INPP5F: variants seen among roughly 807,000 people sequenced by gnomAD.
INPP5F encodes phosphatidylinositide 4-phosphatase SAC2.
A neutral mutation model predicts 137.2 loss-of-function variants in INPP5F; 97 were observed. The ratio of observed to expected loss-of-function variants is 0.71; its 90% confidence interval spans 0.60 to 0.84. INPP5F has a LOEUF of 0.84. Among genes scored for constraint, INPP5F ranks in the 40% least tolerant of loss-of-function variants. The pLI is 0.00. For missense variants in INPP5F, 1,271 were observed against 1,371.9 expected, an observed-to-expected ratio of 0.93 and a Z score of 1.16; for synonymous variants, 504 against 476.9, an observed-to-expected ratio of 1.06 and a Z score of -0.74.
At chr10:119,735,949 G>C (rs576851481) in intron 1 of INPP5F, among the ~76,000 whole-genome samples, 1 of 152,350 alleles carries the variant, frequency 6.6e-6, no homozygotes, top group Admixed American at 6.5e-5. Flanking sequence ...GGCCAACATG[G>C]TGAAACACTG....
chr10:119,774,851 G>A (rs767523796), intron 2 of INPP5F, among the ~76,000 whole-genome samples: 2 of 152,032 alleles, frequency 1.3e-5, no homozygotes, highest in Non-Finnish European at 2.9e-5. Context: ...AATATGTATA[G>A]TTAGTTTTTA....
intron 15 of INPP5F, among the ~76,000 whole-genome samples, chr10:119,812,815 A>G (rs1278369112): frequency 6.6e-6 from 1 of 152,112 alleles, no homozygotes; most frequent in African/African-American, 2.4e-5. Flanking sequence ...CACACAACCT[A>G]GCAGAAGGTT....
chr10:119,808,392 T>A (rs1431068420), intron 13 of INPP5F, among the ~76,000 whole-genome samples: 1 of 152,222 alleles, frequency 6.6e-6, no homozygotes, highest in Non-Finnish European at 1.5e-5. Context: ...ACAGAGCATG[T>A]CTGCTGGCAG....
rs1388916270 is a variant in INPP5F at position 119,748,443 on chromosome 10, C to CAGCTTT, written c.98-2632_98-2627dup. On this transcript the variant is annotated intron_variant, in intron 1 of 19. Transcript: ENST00000650623. The surrounding 1 kb of genome is among the most constrained non-coding windows in gnomAD (Gnocchi z 4.7). Reference sequence around the variant, plus strand: ...GCGTGTTTTGGTCCTGTTTGTGTTACAGCTTTTTCAGTCCCACCATTCAGG... The same window carrying CAGCTTT: ...GCGTGTTTTGGTCCTGTTTGTGTTACAGCTTTAGCTTTTTCAGTCCCACCATTCAGG... 1.3e-5 allele frequency among the ~76,000 whole-genome samples: 2 copies of CAGCTTT among 152,190 alleles called. No individual in the cohort carries two copies. Among genetic ancestry groups the CAGCTTT allele is most frequent in the Admixed American group, 6.5e-5 (1 of 15,286 alleles).
intron 2 of INPP5F, among the ~76,000 whole-genome samples, chr10:119,764,226 C>T (rs1849087343): frequency 1.3e-5 from 2 of 152,190 alleles, no homozygotes; most frequent in African/African-American, 4.8e-5. Context: ...AAGCTGCTTC[C>T]ACATCTTTAG....
Position 119,727,358 on chromosome 10 carries a change from G to C in INPP5F, c.97+999G>C, listed in dbSNP as rs532335721. Among the ~76,000 whole-genome samples, 9 of 152,368 alleles carry C rather than the reference G, an allele frequency of 5.9e-5. No homozygotes were observed. In the South Asian group the frequency reaches 1.9e-3, roughly 32 times the overall value. ...ATAAAAGGTTCAGATGAGCTTTTCAGATCACAGCGTGGTATCACTTATAGG... is the reference window on the plus strand; with the variant it reads ...ATAAAAGGTTCAGATGAGCTTTTCACATCACAGCGTGGTATCACTTATAGG... On this transcript the variant is annotated intron_variant, in intron 1 of 19. Coordinates refer to ENST00000650623, the MANE Select transcript of INPP5F (RefSeq NM_014937.4).
intron 1 of INPP5F, among the ~76,000 whole-genome samples, chr10:119,729,248 C>T (rs554987967): frequency 2.0e-5 from 3 of 152,028 alleles, no homozygotes; most frequent in African/African-American, 2.4e-5. Context: ...TAGGTTCAAG[C>T]GATTCTCCTG....
At chr10:119,785,302 T>TTTTTTTTTTTGGAGAC (rs1554889600) in intron 3 of INPP5F, among the ~76,000 whole-genome samples, 1 of 147,634 alleles carries the variant, frequency 6.8e-6, no homozygotes, top group Non-Finnish European at 1.5e-5. Context: ...TTTTTTTTTT[T>TTTTTTTTTTTGGAGAC]GGAGACGGAG....
chr10:119,749,490 A>AT (rs1402657357), intron 1 of INPP5F, among the ~76,000 whole-genome samples: 1 of 152,096 alleles, frequency 6.6e-6, no homozygotes, highest in African/African-American at 2.4e-5. Flanking sequence ...TTTTTCTTTG[A>AT]TTTTATAGTA....
intron 1 of INPP5F, 26 bp downstream of exon 1, chr10:119,726,385 G>T (rs1225430371): frequency 7.9e-7 from 1 of 1,265,470 alleles, no homozygotes. Context: ...CGGGCGGGGG[G>T]CACCCCGGGC....
intron 15 of INPP5F, among the ~76,000 whole-genome samples, chr10:119,817,733 G>A (rs1190224457): frequency 6.6e-6 from 1 of 152,202 alleles, no homozygotes; most frequent in African/African-American, 2.4e-5. Context: ...GTTGGGATTA[G>A]GGTCAAGTGA....
chr10:119,795,361 C>T (rs867219719), intron 6 of INPP5F, among the ~76,000 whole-genome samples: 8 of 145,864 alleles, frequency 5.5e-5, no homozygotes, highest in Admixed American at 2.0e-4. Context: ...ACTTCTCAGA[C>T]GGGGCGGCTG....
chr10:119,727,116 CAG>C (rs1456532476), intron 1 of INPP5F, among the ~76,000 whole-genome samples: 2 of 152,208 alleles, frequency 1.3e-5, no homozygotes, highest in African/African-American at 2.4e-5. Context: ...TCCCTGCCCT[CAG>C]AGCGCTGACA....
At chr10:119,775,554 G>C (rs1849496041) in intron 2 of INPP5F, among the ~76,000 whole-genome samples, 1 of 152,138 alleles carries the variant, frequency 6.6e-6, no homozygotes, top group Admixed American at 6.5e-5. Context: ...CATGGGCCAT[G>C]GTGCCCAGCC....
At chr10:119,731,939 T>C (rs1564796894) in intron 1 of INPP5F, among the ~76,000 whole-genome samples, 1 of 152,202 alleles carries the variant, frequency 6.6e-6, no homozygotes, top group Non-Finnish European at 1.5e-5. Context: ...TACATATTTG[T>C]ATGACTACGT....
intron 2 of INPP5F, among the ~76,000 whole-genome samples, chr10:119,752,952 CTT>C (rs34756292): frequency 2.1e-5 from 3 of 139,952 alleles, no homozygotes; most frequent in South Asian, 2.2e-4. Context: ...TTTTTTCTTT[CTT>C]TTTTTTTTGC....
intron 3 of INPP5F, among the ~76,000 whole-genome samples, chr10:119,785,286 G>GTTGTTTTTTTTTTTTTTT (rs770290302): frequency 3.8e-5 from 4 of 106,226 alleles, no homozygotes; most frequent in African/African-American, 1.5e-4. Context: ...CTGCCAGACT[G>GTTGTTTTTTTTTTTTTTT]TTTTTTTTTT....
At chr10:119,789,965 A>C (rs1183923555) in intron 3 of INPP5F, among the ~76,000 whole-genome samples, 1 of 146,928 alleles carries the variant, frequency 6.8e-6, no homozygotes, top group Admixed American at 6.9e-5. Flanking sequence ...TTAAGAACCA[A>C]GAGCATTGGA....
intron 1 of INPP5F, among the ~76,000 whole-genome samples, chr10:119,737,596 C>T (rs528117510): frequency 1.1e-4 from 16 of 152,332 alleles, no homozygotes; most frequent in African/African-American, 3.6e-4. Flanking sequence ...GCTAGAACTT[C>T]TAAATTGGAT....
Sources: gnomAD v4.1 joint callset for allele counts (sites outside exome capture counted in the v4.1 genomes callset) on GRCh38, gnomAD v4.1.1 for gene constraint, Gnocchi (gnomAD v3.1) non-coding constraint, MANE v1.5 for transcripts, NCBI Gene and HGNC (gene_info 2026-07-23, HGNC 2026-07-21) for gene names.